Variants in ADAMTSL1 observed in about 807,000 individuals in gnomAD.
ADAMTSL1 encodes the protein ADAMTS like 1, also known as ADAMTS-like protein 1.
In ADAMTSL1, 126 loss-of-function variants were observed where a neutral mutation model predicts 201.8. The observed-to-expected ratio is 0.62, with a 90% CI of 0.54 to 0.72. The LOEUF (loss-of-function observed/expected upper bound fraction) is 0.72. ADAMTSL1 is among the 30% of genes least tolerant of loss of function. ADAMTSL1 has a pLI of 0.00. For missense variants in ADAMTSL1, 2,679 were observed against 2,277.8 expected (o/e 1.18, Z -3.59); for synonymous variants, 1,121 against 903.4 (o/e 1.24, Z -4.32).
At chr9:18,702,764 G>C (rs1162972978) in intron 13 of ADAMTSL1, among the ~76,000 whole-genome samples, 1 of 150,018 alleles carries the variant, frequency 6.7e-6, no homozygotes, top group African/African-American at 2.4e-5. Context: ...CTAACAAAAA[G>C]AGTTTTTTTT....
At chr9:18,459,673 A>T (rs2131703822) in intron 2 of ADAMTSL1, among the ~76,000 whole-genome samples, 1 of 152,306 alleles carries the variant, frequency 6.6e-6, no homozygotes, top group East Asian at 1.9e-4. Context: ...AGCAGTATCA[A>T]ATTTTACAAA....
intron 3 of ADAMTSL1, among the ~76,000 whole-genome samples, chr9:18,553,832 C>G (rs12001049): frequency 0.25 from 37,803 of 151,568 alleles, 5,409 homozygotes; most frequent in Admixed American, 0.35. Context: ...TGCCTGACTT[C>G]TTTTATTTAT....
chr9:17,990,920 C>G (rs554319456), intron 1 of ADAMTSL1, among the ~76,000 whole-genome samples: 1 of 152,200 alleles, frequency 6.6e-6, no homozygotes, highest in African/African-American at 2.4e-5. Flanking sequence ...AAGATGCATG[C>G]CCTTTATCTG....
intron 22 of ADAMTSL1, among the ~76,000 whole-genome samples, chr9:18,828,658 A>ATTTTT (rs766423543): frequency 3.7e-5 from 2 of 54,436 alleles, no homozygotes; most frequent in African/African-American, 1.5e-4. Context: ...TTGAAAGTAT[A>ATTTTT]TTTATATATA....
intron 2 of ADAMTSL1, among the ~76,000 whole-genome samples, chr9:18,203,131 G>A (rs931735254): frequency 6.6e-6 from 1 of 152,072 alleles, no homozygotes; most frequent in Non-Finnish European, 1.5e-5. Flanking sequence ...CACAAAGGCC[G>A]TGCTCATGCT....
chr9:18,628,300 C>T (rs887153979), intron 5 of ADAMTSL1, among the ~76,000 whole-genome samples: 2 of 151,892 alleles, frequency 1.3e-5, no homozygotes, highest in Admixed American at 1.3e-4. Flanking sequence ...AATTTTTTTT[C>T]GTATAGACGC....
chr9:18,453,356 C>A (rs561075534), intron 2 of ADAMTSL1, among the ~76,000 whole-genome samples: 1 of 152,100 alleles, frequency 6.6e-6, no homozygotes, highest in Non-Finnish European at 1.5e-5. Flanking sequence ...GAGGGGCAGC[C>A]ATGAAGCTCT....
At chr9:18,317,206 G>A (rs908667771) in intron 2 of ADAMTSL1, among the ~76,000 whole-genome samples, 4 of 152,050 alleles carry the variant, frequency 2.6e-5, no homozygotes, top group African/African-American at 7.2e-5. Flanking sequence ...GAAGCAGAGA[G>A]TAAAACAGTG....
chr9:18,646,728 C>G (rs1348214461), intron 7 of ADAMTSL1, among the ~76,000 whole-genome samples: 1 of 152,128 alleles, frequency 6.6e-6, no homozygotes, highest in Non-Finnish European at 1.5e-5. Context: ...CCTTGCATCC[C>G]AAGGATGAAG....
intron 2 of ADAMTSL1, among the ~76,000 whole-genome samples, chr9:18,525,908 A>G (rs1819009428): frequency 6.6e-6 from 1 of 152,196 alleles, no homozygotes; most frequent in Non-Finnish European, 1.5e-5. Context: ...TTTCGAGAAG[A>G]ACGTATATTC....
At chr9:17,929,435 A>C (rs1164496997) in intron 1 of ADAMTSL1, among the ~76,000 whole-genome samples, 1 of 152,182 alleles carries the variant, frequency 6.6e-6, no homozygotes, top group East Asian at 1.9e-4. Context: ...TTGAGAATGC[A>C]TGCTTCCGAA....
At chr9:18,563,585 G>A (rs955888381) in intron 3 of ADAMTSL1, among the ~76,000 whole-genome samples, 4 of 152,334 alleles carry the variant, frequency 2.6e-5, no homozygotes, top group South Asian at 2.1e-4. Context: ...AGGCAGGAAC[G>A]TTTAAGTCTG....
chr9:18,602,411 G>A (rs776969359), intron 4 of ADAMTSL1, among the ~76,000 whole-genome samples: 1 of 152,180 alleles, frequency 6.6e-6, no homozygotes, highest in Non-Finnish European at 1.5e-5. Context: ...GATTTTGTGG[G>A]GCTATAAGAA....
At chr9:18,506,327 C>T (rs1817655342) in intron 2 of ADAMTSL1, among the ~76,000 whole-genome samples, 1 of 152,098 alleles carries the variant, frequency 6.6e-6, no homozygotes, top group Non-Finnish European at 1.5e-5. Flanking sequence ...ATCAGTAAAG[C>T]CAAAAAGTAT....
At chr9:18,317,420 A>ACG (rs954202333) in intron 2 of ADAMTSL1, among the ~76,000 whole-genome samples, 7 of 152,090 alleles carry the variant, frequency 4.6e-5, no homozygotes, top group Non-Finnish European at 1.0e-4. Flanking sequence ...ACACACACAC[A>ACG]CACGTACATG....
At chr9:18,327,759 AAG>A (rs1375592765) in intron 2 of ADAMTSL1, among the ~76,000 whole-genome samples, 2 of 152,232 alleles carry the variant, frequency 1.3e-5, no homozygotes, top group African/African-American at 2.4e-5. Context: ...TGAAAGCTTA[AAG>A]AGTTATACAC....
At chr9:18,171,334 C>G (rs1827879432) in intron 2 of ADAMTSL1, among the ~76,000 whole-genome samples, 1 of 151,832 alleles carries the variant, frequency 6.6e-6, no homozygotes, top group Admixed American at 6.6e-5. Flanking sequence ...AAAGCATGAC[C>G]TTAAAACTTA....
At position 18,008,228 on chromosome 9, in the gene ADAMTSL1, G is replaced by A. The variant is rs534547844; in HGVS notation, c.87+101306G>A. On this transcript the variant is annotated intron_variant, in intron 1 of 29. Transcript: ENST00000680146. ...TCTACATGAGATGTTTAACCAGTCT[G>A]TGAAATGGCTAAATAAGTTCTTGCT... 1.1e-4 allele frequency among the ~76,000 whole-genome samples: 17 copies of A among 152,086 alleles called. No homozygotes were observed. The East Asian group carries it at 1.6e-3, about 14-fold the overall frequency.
chr9:18,277,151 G>T (rs1329192578), intron 2 of ADAMTSL1, among the ~76,000 whole-genome samples: 5 of 152,050 alleles, frequency 3.3e-5, no homozygotes, highest in African/African-American at 7.2e-5. Context: ...GACTTGTTTT[G>T]TGACTTCACA....
Sources: gnomAD v4.1 joint callset for allele counts (sites outside exome capture counted in the v4.1 genomes callset) on GRCh38, gnomAD v4.1.1 for gene constraint, MANE v1.5 for transcripts, NCBI Gene and HGNC (gene_info 2026-07-23, HGNC 2026-07-21) for gene names.